FHIT: variants seen among roughly 807,000 people sequenced by gnomAD.
FHIT encodes the protein bis(5'-adenosyl)-triphosphatase.
In FHIT, 19 loss-of-function variants were observed where a neutral mutation model predicts 17.9. The ratio of observed to expected loss-of-function variants is 1.06; its 90% CI spans 0.74 to 1.56. The LOEUF is 1.56. Ranked by LOEUF, FHIT falls within the 40% of genes most tolerant of loss-of-function variation. The pLI is 0.00. For synonymous variants in FHIT, 81 were observed against 69.7 expected, an observed-to-expected ratio of 1.16 and a Z score of -0.81; for missense variants, 248 against 189.2, an observed-to-expected ratio of 1.31 and a Z score of -1.82.
At chr3:60,932,761 T>C (rs1183164965) in intron 3 of FHIT, among the ~76,000 whole-genome samples, 3 of 152,204 alleles carry the variant, frequency 2.0e-5, no homozygotes, top group African/African-American at 7.2e-5. Context: ...CATTAAACTC[T>C]CTTCCAACCT....
At chr3:61,241,676 G>T (rs530766932) in intron 1 of FHIT, among the ~76,000 whole-genome samples, 1 of 152,082 alleles carries the variant, frequency 6.6e-6, no homozygotes, top group African/African-American at 2.4e-5. Context: ...ATTTTAATAG[G>T]ATTCTGATTG....
At chr3:60,740,999 C>T (rs548348890) in intron 4 of FHIT, among the ~76,000 whole-genome samples, 2 of 152,282 alleles carry the variant, frequency 1.3e-5, no homozygotes, top group South Asian at 2.1e-4. Flanking sequence ...AGCATTCACT[C>T]TACTCCTCTA....
intron 4 of FHIT, among the ~76,000 whole-genome samples, chr3:60,677,634 A>ATG (rs10664035): frequency 0.85 from 128,596 of 151,416 alleles, 55,114 homozygotes; most frequent in Non-Finnish European, 0.91. Context: ...GTATATGTGT[A>ATG]TGTGTGTGTG....
chr3:60,678,232 T>C (rs145692978), intron 4 of FHIT, among the ~76,000 whole-genome samples: 2 of 152,324 alleles, frequency 1.3e-5, no homozygotes, highest in African/African-American at 4.8e-5. Flanking sequence ...CCTTGTTTTC[T>C]GGTTATTAAA....
chr3:60,488,434 A>G (rs1219818515), intron 5 of FHIT, among the ~76,000 whole-genome samples: 1 of 152,126 alleles, frequency 6.6e-6, no homozygotes, highest in African/African-American at 2.4e-5. Context: ...TATTTACTCA[A>G]CCAACAGTCA....
intron 8 of FHIT, among the ~76,000 whole-genome samples, chr3:59,861,964 G>A (rs1281751327): frequency 2.0e-5 from 3 of 151,970 alleles, no homozygotes; most frequent in African/African-American, 4.8e-5. Context: ...GGTACTAGTT[G>A]GATGATGAAT....
intron 5 of FHIT, among the ~76,000 whole-genome samples, chr3:60,198,781 CATATTTGAA>C (rs1702761468): frequency 1.3e-5 from 2 of 152,084 alleles, no homozygotes; most frequent in Non-Finnish European, 2.9e-5. Flanking sequence ...GCAAATTCTT[CATATTTGAA>C]TGGAATAATT....
At chr3:60,689,381 C>T (rs1303353020) in intron 4 of FHIT, among the ~76,000 whole-genome samples, 1 of 152,216 alleles carries the variant, frequency 6.6e-6, no homozygotes, top group Admixed American at 6.5e-5. Flanking sequence ...TCATTATTCC[C>T]TAAACAATAC....
chr3:61,083,248 T>G (rs1248563882), intron 2 of FHIT, among the ~76,000 whole-genome samples: 1 of 152,020 alleles, frequency 6.6e-6, no homozygotes, highest in African/African-American at 2.4e-5. Context: ...ATCCACAGAG[T>G]TGTGTAACAA....
intron 5 of FHIT, among the ~76,000 whole-genome samples, chr3:60,373,161 C>T (rs148184149): frequency 2.4e-4 from 36 of 152,252 alleles, no homozygotes; most frequent in African/African-American, 8.4e-4. Flanking sequence ...AGAAGGCACA[C>T]ATTAATTCTG....
At chr3:60,866,682 G>C (rs1704179029) in intron 3 of FHIT, among the ~76,000 whole-genome samples, 1 of 152,184 alleles carries the variant, frequency 6.6e-6, no homozygotes, top group Non-Finnish European at 1.5e-5. Context: ...TGCAGCAATA[G>C]GTACCTAACC....
At chr3:60,212,614 A>G (rs1385900102) in intron 5 of FHIT, among the ~76,000 whole-genome samples, 1 of 152,204 alleles carries the variant, frequency 6.6e-6, no homozygotes, top group Non-Finnish European at 1.5e-5. Context: ...TTGTTTAAGC[A>G]CTAAAATAAC....
At chr3:59,980,009 A>C (rs1319364480) in intron 7 of FHIT, among the ~76,000 whole-genome samples, 2 of 152,172 alleles carry the variant, frequency 1.3e-5, no homozygotes, top group East Asian at 3.9e-4. Context: ...AATACACCAT[A>C]TTGACTTTTC....
chr3:60,779,710 C>T (rs1326083691), intron 4 of FHIT, among the ~76,000 whole-genome samples: 1 of 151,846 alleles, frequency 6.6e-6, no homozygotes, highest in East Asian at 1.9e-4. Flanking sequence ...AGACTGAATT[C>T]CAAGCTTCAC....
intron 5 of FHIT, among the ~76,000 whole-genome samples, chr3:60,188,207 CTT>C (rs1210975877): frequency 6.1e-4 from 76 of 125,578 alleles, no homozygotes; most frequent in African/African-American, 1.8e-3. Context: ...CAGTTTCTTT[CTT>C]TTTTTTTTTT....
intron 5 of FHIT, among the ~76,000 whole-genome samples, chr3:60,044,469 C>A (rs73840529): frequency 1.3e-5 from 2 of 152,098 alleles, no homozygotes; most frequent in Admixed American, 1.3e-4. Context: ...CAAAGCAAAT[C>A]GTGTCCCTCA....
chr3:60,865,832 T>C (rs1193666146), intron 3 of FHIT, among the ~76,000 whole-genome samples: 3 of 152,208 alleles, frequency 2.0e-5, no homozygotes, highest in Non-Finnish European at 4.4e-5. Context: ...TCTTCTTAAG[T>C]AGCTCTACTG....
chr3:60,112,813 C>G (rs538616732), intron 5 of FHIT, among the ~76,000 whole-genome samples: 2 of 152,318 alleles, frequency 1.3e-5, no homozygotes, highest in South Asian at 4.1e-4. Flanking sequence ...AAGGCTGCCA[C>G]AGCCTTTGAT....
At chr3:60,384,306 A>T (rs1360667921) in intron 5 of FHIT, among the ~76,000 whole-genome samples, 1 of 151,914 alleles carries the variant, frequency 6.6e-6, no homozygotes, top group Non-Finnish European at 1.5e-5. Context: ...TTTAATAGAG[A>T]CTATTACTAA....
Sources: gnomAD v4.1 joint callset for allele counts (sites outside exome capture counted in the v4.1 genomes callset) on GRCh38, gnomAD v4.1.1 for gene constraint, MANE v1.5 for transcripts, NCBI Gene and HGNC (gene_info 2026-07-23, HGNC 2026-07-21) for gene names.